The following SDK1 variants were observed in gnomAD, a reference collection of about 807,000 sequenced individuals.
SDK1 encodes sidekick cell adhesion molecule 1, also known as protein sidekick-1.
Under a neutral mutation model 245.5 loss-of-function variants are expected in SDK1, and 157 were observed. The ratio of observed to expected loss-of-function variants is 0.64; its 90% CI spans 0.56 to 0.73. The LOEUF (loss-of-function observed/expected upper bound fraction) is 0.73. Among genes scored for constraint, SDK1 ranks in the 30% least tolerant of loss-of-function variants. The pLI is 0.00. For synonymous variants in SDK1, 1,647 were observed against 1,278.5 expected (o/e 1.29, Z -6.15); for missense variants, 3,583 against 3,002.3 (o/e 1.19, Z -4.52).
At chr7:4,074,730 G>A (rs1004796118) in intron 20 of SDK1, among the ~76,000 whole-genome samples, 1 of 151,202 alleles carries the variant, frequency 6.6e-6, no homozygotes, top group Admixed American at 6.6e-5. Flanking sequence ...AGGCATGGTG[G>A]CACATGCCTA....
At chr7:3,931,317 T>C (rs181868614) in intron 5 of SDK1, among the ~76,000 whole-genome samples, 45 of 152,208 alleles carry the variant, frequency 3.0e-4, no homozygotes, top group Non-Finnish European at 4.0e-4. Flanking sequence ...TCCTCACATA[T>C]TCCTACCCTA....
At chr7:4,200,257 G>T (rs984239730) in intron 35 of SDK1, among the ~76,000 whole-genome samples, 13 of 152,226 alleles carry the variant, frequency 8.5e-5, no homozygotes, top group Non-Finnish European at 1.2e-4. Flanking sequence ...CATGGCAAGG[G>T]CTGCACCAAA....
At chr7:3,749,885 CAAAAAT>C (rs1454013931) in intron 4 of SDK1, among the ~76,000 whole-genome samples, 1 of 152,106 alleles carries the variant, frequency 6.6e-6, no homozygotes, top group Non-Finnish European at 1.5e-5. Context: ...AAAGAAGAAA[CAAAAAT>C]GAAAACAAAA....
At chr7:3,752,374 A>G (rs964879623) in intron 4 of SDK1, among the ~76,000 whole-genome samples, 3 of 152,182 alleles carry the variant, frequency 2.0e-5, no homozygotes, top group East Asian at 1.9e-4. Context: ...CATAATTACT[A>G]TTCTGCAAGT....
chr7:3,368,984 C>T (rs1046063417), intron 1 of SDK1, among the ~76,000 whole-genome samples: 1 of 152,124 alleles, frequency 6.6e-6, no homozygotes, highest in Non-Finnish European at 1.5e-5. Flanking sequence ...GCTGCTTCCT[C>T]CTGCCCCAGT....
chr7:3,487,169 G>C (rs1184301401), intron 1 of SDK1, among the ~76,000 whole-genome samples: 2 of 152,190 alleles, frequency 1.3e-5, no homozygotes, highest in South Asian at 2.1e-4. Flanking sequence ...ACTGGTCTTA[G>C]TGTGCCAGCT....
At chr7:4,117,511 A>C (rs1214068573) in intron 25 of SDK1, among the ~76,000 whole-genome samples, 1 of 152,228 alleles carries the variant, frequency 6.6e-6, no homozygotes, top group East Asian at 1.9e-4. Context: ...CACACTCATA[A>C]GAAAAACAGG....
At chr7:3,623,612 A>C (rs554662083) in intron 2 of SDK1, among the ~76,000 whole-genome samples, 1 of 152,166 alleles carries the variant, frequency 6.6e-6, no homozygotes, top group East Asian at 1.9e-4. Flanking sequence ...TAGCAAGTTG[A>C]CGGTAATTCA....
At chr7:3,945,723 C>T (rs1228769764) in intron 5 of SDK1, among the ~76,000 whole-genome samples, 1 of 151,364 alleles carries the variant, frequency 6.6e-6, no homozygotes, top group African/African-American at 2.4e-5. Flanking sequence ...CATGGTGAAA[C>T]CCTGTCTCTA....
chr7:3,726,426 G>T (rs1271112829), intron 4 of SDK1, among the ~76,000 whole-genome samples: 2 of 152,164 alleles, frequency 1.3e-5, no homozygotes, highest in East Asian at 1.9e-4. Context: ...AACTGTTTTT[G>T]CAGTCTTATG....
chr7:3,528,894 C>G (rs1247378972), intron 1 of SDK1, among the ~76,000 whole-genome samples: 1 of 152,124 alleles, frequency 6.6e-6, no homozygotes, highest in Non-Finnish European at 1.5e-5. Context: ...TGATCTCCTT[C>G]TCTCCCCTTG....
At chr7:3,726,982 G>C (rs531099257) in intron 4 of SDK1, among the ~76,000 whole-genome samples, 4 of 152,318 alleles carry the variant, frequency 2.6e-5, no homozygotes, top group African/African-American at 9.6e-5. Flanking sequence ...AACTGTAATT[G>C]CCTGTCTTCC....
chr7:3,689,735 G>T (rs189270201), intron 4 of SDK1, among the ~76,000 whole-genome samples: 1 of 152,050 alleles, frequency 6.6e-6, no homozygotes, highest in Non-Finnish European at 1.5e-5. Context: ...CTTTTGCTCC[G>T]TTCCTACTAC....
chr7:3,515,324 C>G (rs1326154199), intron 1 of SDK1, among the ~76,000 whole-genome samples: 5 of 152,090 alleles, frequency 3.3e-5, no homozygotes, highest in Admixed American at 3.3e-4. Context: ...ATATTAAATT[C>G]AGAAAGAAGT....
chr7:3,323,364 G>T (rs1377827469), intron 1 of SDK1, among the ~76,000 whole-genome samples: 3 of 152,296 alleles, frequency 2.0e-5, no homozygotes, highest in East Asian at 3.9e-4. Flanking sequence ...ATTGCTGCTG[G>T]TGCCGATTGA....
At chr7:3,742,690 T>C (rs1779509735) in intron 4 of SDK1, among the ~76,000 whole-genome samples, 5 of 152,214 alleles carry the variant, frequency 3.3e-5, no homozygotes, top group Admixed American at 3.3e-4. Context: ...TGTAAAACTT[T>C]TAACACCAAA....
chr7:3,313,949 G>A (rs975180044), intron 1 of SDK1, among the ~76,000 whole-genome samples: 1 of 152,124 alleles, frequency 6.6e-6, no homozygotes, highest in African/African-American at 2.4e-5. Flanking sequence ...ATGTATGTGA[G>A]CAGGAGTTAA....
chr7:3,816,906 C>T (rs73034481), intron 4 of SDK1, among the ~76,000 whole-genome samples: 2,074 of 152,072 alleles, frequency 0.014, 31 homozygotes, highest in East Asian at 0.037. Flanking sequence ...TCTTCCTGCA[C>T]GCTGACCTTC....
intron 21 of SDK1, 36 bp from the exon 22 acceptor site, chr7:4,079,427 G>T: frequency 1.2e-6 from 2 of 1,612,378 alleles, no homozygotes. Context: ...GTGACGGACT[G>T]TAAATCTCTC....
Sources: allele counts gnomAD v4.1 joint callset (sites outside exome capture counted in the v4.1 genomes callset), GRCh38; gene constraint gnomAD v4.1.1; transcripts MANE v1.5; gene names NCBI Gene and HGNC (gene_info 2026-07-23, HGNC 2026-07-21).